Variants in FERMT2 observed in about 807,000 individuals in gnomAD.
FERMT2 encodes FERM domain containing kindlin 2.
A neutral mutation model predicts 82.7 loss-of-function variants in FERMT2; 15 were observed. The ratio of observed to expected loss-of-function variants is 0.18; its 90% CI spans 0.12 to 0.28. The LOEUF is 0.28. Among genes scored for constraint, FERMT2 ranks in the 10% least tolerant of loss-of-function variants. The pLI is 1.00. For missense variants in FERMT2, 645 were observed against 809.4 expected, an observed-to-expected ratio of 0.80 and a Z score of 2.46; for synonymous variants, 274 against 271.5, an observed-to-expected ratio of 1.01 and a Z score of -0.09.
chr14:52,862,627 T>C (rs1459285105), intron 12 of FERMT2: 1 of 152,376 alleles, frequency 6.6e-6, no homozygotes, highest in Admixed American at 6.5e-5. Flanking sequence ...TGAGCTATGA[T>C]GGTGCCACTG....
chr14:52,920,260 C>T (rs1300945126), intron 2 of FERMT2, among the ~76,000 whole-genome samples: 3 of 152,034 alleles, frequency 2.0e-5, no homozygotes, highest in Admixed American at 1.3e-4. Flanking sequence ...CTGCTGGGAT[C>T]AACTGTATGT....
intron 3 of FERMT2, among the ~76,000 whole-genome samples, chr14:52,904,001 C>T (rs116210452): frequency 0.01 from 1,553 of 152,220 alleles, 28 homozygotes; most frequent in African/African-American, 0.035. Flanking sequence ...AGAAAGTAAA[C>T]GAATCAGCAA....
At chr14:52,871,431 T>G (rs1353543487) in intron 10 of FERMT2, 1 of 152,172 alleles carries the variant, frequency 6.6e-6, no homozygotes, top group East Asian at 1.9e-4. Flanking sequence ...AGAAGTGGTA[T>G]CTACACTGAA....
In FERMT2 at chr14:52,905,203, AG is replaced by A. The variant is rs1287321365; in HGVS notation, c.392-11777del. 3.0e-3 allele frequency among the ~76,000 whole-genome samples: 451 copies of A among 150,650 alleles called. 4 individuals are homozygous for A. The highest frequency in any genetic ancestry group is 0.01 in the African/African-American group (419 of 41,204). On this transcript the variant is annotated intron_variant, in intron 3 of 14. Transcript: ENST00000341590. The stretch of plus-strand genomic sequence containing the variant: ...GACTCCATCTCAAAAAAAAAAAAAA[AG>A]AAAGAGTTGAGTGGAAAAACATCAA...
chr14:52,887,177 C>T (rs1886662291), intron 4 of FERMT2, among the ~76,000 whole-genome samples: 1 of 151,130 alleles, frequency 6.6e-6, no homozygotes, highest in Non-Finnish European at 1.5e-5. Flanking sequence ...GCTCTGTCGC[C>T]CAGGCTGGAG....
chr14:52,874,054 CTG>C, intron 9 of FERMT2, 121 bp downstream of exon 9: 1 of 498,820 alleles, frequency 2.0e-6, no homozygotes, highest in Non-Finnish European at 3.5e-6. Context: ...GTTCACCTAA[CTG>C]GTAAATCCTT....
chr14:52,869,482 A>G (rs1391471088), intron 10 of FERMT2, among the ~76,000 whole-genome samples: 1 of 152,232 alleles, frequency 6.6e-6, no homozygotes, highest in East Asian at 1.9e-4. Context: ...AACGAACTGC[A>G]TATACGACAG....
chr14:52,928,509 C>G (rs921976406), intron 2 of FERMT2: 2 of 152,226 alleles, frequency 1.3e-5, no homozygotes, highest in African/African-American at 4.8e-5. Flanking sequence ...CTCAGCAGAC[C>G]AGAAAACGTC....
At position 52,878,579 on chromosome 14, in the gene FERMT2, T is replaced by C. The variant is rs373763753; in HGVS notation, c.963+3A>G. 3.0e-5 allele frequency: 48 copies of C among 1,595,126 alleles called. No individual in the cohort carries two copies. Among genetic ancestry groups the C allele is most frequent in the Non-Finnish European group, 4.0e-5 (47 of 1,166,332 alleles). On this transcript the variant is annotated splice_donor_region_variant and intron_variant, in intron 7 of 14. Coordinates refer to ENST00000341590, the MANE Select transcript of FERMT2 (RefSeq NM_006832.3). ...AGTCCCATTTACTAGACCTTTCAAC[T>C]ACCTGCAGGGCTGCAAACATCATCA...
intron 2 of FERMT2, among the ~76,000 whole-genome samples, chr14:52,943,424 C>T (rs1359541451): frequency 6.6e-6 from 1 of 151,924 alleles, no homozygotes; most frequent in Admixed American, 6.6e-5. Context: ...CACTTGGTGG[C>T]TGTTCTGTAT....
intron 3 of FERMT2, among the ~76,000 whole-genome samples, chr14:52,912,119 G>A (rs1888351846): frequency 6.6e-6 from 1 of 151,858 alleles, no homozygotes; most frequent in Admixed American, 6.6e-5. Context: ...CACATGTCAA[G>A]TACTTGGACT....
chr14:52,914,380 A>G (rs1352206439), intron 3 of FERMT2, among the ~76,000 whole-genome samples: 1 of 148,270 alleles, frequency 6.7e-6, no homozygotes, highest in East Asian at 2.1e-4. Context: ...AAAAAGCAAA[A>G]AACAAAACAA....
intron 2 of FERMT2, among the ~76,000 whole-genome samples, chr14:52,938,083 C>G (rs1889929290): frequency 6.6e-6 from 1 of 152,162 alleles, no homozygotes; most frequent in African/African-American, 2.4e-5. Context: ...AATAACGTGG[C>G]ACAGGGTCAC....
intron 3 of FERMT2, among the ~76,000 whole-genome samples, chr14:52,902,256 G>C (rs1189813250): frequency 6.6e-6 from 1 of 152,076 alleles, no homozygotes; most frequent in African/African-American, 2.4e-5. Context: ...AGCTGGGCAT[G>C]ATGGCGTGCA....
chr14:52,891,591 T>C (rs926606401), intron 4 of FERMT2, among the ~76,000 whole-genome samples: 1 of 152,126 alleles, frequency 6.6e-6, no homozygotes, highest in Non-Finnish European at 1.5e-5. Flanking sequence ...TTACATGGGT[T>C]TCCATGGGTA....
At chr14:52,898,129 T>C (rs1280421563) in intron 3 of FERMT2, among the ~76,000 whole-genome samples, 2 of 152,192 alleles carry the variant, frequency 1.3e-5, no homozygotes, top group Admixed American at 6.5e-5. Context: ...AGAACTATCC[T>C]GAACGAATAT....
chr14:52,947,569 G>A (rs1466374087), intron 2 of FERMT2, among the ~76,000 whole-genome samples: 2 of 152,240 alleles, frequency 1.3e-5, no homozygotes, highest in African/African-American at 4.8e-5. Flanking sequence ...TGTTTTAATG[G>A]CCTTAAGCAA....
intron 6 of FERMT2, among the ~76,000 whole-genome samples, chr14:52,879,951 G>A (rs558706694): frequency 6.2e-4 from 94 of 152,200 alleles, no homozygotes; most frequent in African/African-American, 2.3e-3. Flanking sequence ...TGTTACAGAG[G>A]AAAAAAATGT....
intron 2 of FERMT2, among the ~76,000 whole-genome samples, chr14:52,938,556 C>T (rs1307181300): frequency 6.6e-6 from 1 of 152,006 alleles, no homozygotes; most frequent in Non-Finnish European, 1.5e-5. Context: ...AGTTCTTAGT[C>T]GCTAACAAAG....
Sources: gnomAD v4.1 joint callset for allele counts (sites outside exome capture counted in the v4.1 genomes callset) on GRCh38, gnomAD v4.1.1 for gene constraint, MANE v1.5 for transcripts, NCBI Gene and HGNC (gene_info 2026-07-23, HGNC 2026-07-21) for gene names.